RAB4A: variants seen among roughly 807,000 people sequenced by gnomAD.
RAB4A encodes the protein RAB4A, member RAS oncogene family, also known as ras-related protein Rab-4A.
Under a neutral mutation model 34.5 loss-of-function variants are expected in RAB4A, and 20 were observed. The observed-to-expected ratio is 0.58, with a 90% CI of 0.41 to 0.84. RAB4A has a LOEUF of 0.84. RAB4A is among the 40% of genes least tolerant of loss of function. RAB4A has a pLI of 0.00. For synonymous variants in RAB4A, 102 were observed against 100.0 expected, an observed-to-expected ratio of 1.02 and a Z score of -0.12; for missense variants, 228 against 274.5, an observed-to-expected ratio of 0.83 and a Z score of 1.20.
intron 1 of RAB4A, among the ~76,000 whole-genome samples, chr1:229,278,266 C>G (rs1656698540): frequency 6.6e-6 from 1 of 152,206 alleles, no homozygotes; most frequent in Non-Finnish European, 1.5e-5. Context: ...ACACACTTTG[C>G]ACAGCTCCAG....
intron 3 of RAB4A, among the ~76,000 whole-genome samples, chr1:229,292,073 G>T (rs12129272): frequency 6.0e-5 from 7 of 115,956 alleles, no homozygotes; most frequent in African/African-American, 2.3e-4. Flanking sequence ...GTTGTGGGGT[G>T]GGGGGAGGGG....
intron 1 of RAB4A, among the ~76,000 whole-genome samples, chr1:229,276,474 C>T (rs1656652189): frequency 6.6e-6 from 1 of 151,440 alleles, no homozygotes; most frequent in Non-Finnish European, 1.5e-5. Context: ...TATTTCTAGT[C>T]ACATCCTTCA....
At chr1:229,278,600 T>C (rs1373299053) in intron 1 of RAB4A, among the ~76,000 whole-genome samples, 1 of 152,180 alleles carries the variant, frequency 6.6e-6, no homozygotes, top group East Asian at 1.9e-4. Flanking sequence ...ACCCCAGCCT[T>C]CTACTTTGGA....
intron 1 of RAB4A, among the ~76,000 whole-genome samples, chr1:229,281,073 C>A (rs1382936371): frequency 2.0e-5 from 3 of 152,168 alleles, no homozygotes; most frequent in Non-Finnish European, 4.4e-5. Flanking sequence ...TATACCAATA[C>A]AACTGCCATA....
At chr1:229,284,704 CTTAT>C (rs1473635215) in intron 1 of RAB4A, among the ~76,000 whole-genome samples, 2 of 151,154 alleles carry the variant, frequency 1.3e-5, no homozygotes, top group African/African-American at 4.9e-5. Flanking sequence ...TAGATTTATC[CTTAT>C]TTATTCTTCT....
chr1:229,281,635 T>C (rs1174465143), intron 1 of RAB4A, among the ~76,000 whole-genome samples: 3 of 152,104 alleles, frequency 2.0e-5, no homozygotes, highest in East Asian at 1.9e-4. Context: ...ATTGTAATTA[T>C]TGATATTGTA....
intron 3 of RAB4A, among the ~76,000 whole-genome samples, chr1:229,294,468 T>C (rs1657182019): frequency 6.6e-6 from 1 of 152,132 alleles, no homozygotes; most frequent in Non-Finnish European, 1.5e-5. Flanking sequence ...CTTGACAGGC[T>C]TTTGGGGAGT....
At chr1:229,294,835 G>C (rs965773243) in intron 3 of RAB4A, among the ~76,000 whole-genome samples, 1 of 152,164 alleles carries the variant, frequency 6.6e-6, no homozygotes, top group African/African-American at 2.4e-5. Context: ...TCTCAAAAAA[G>C]ACAGTTGGAT....
chr1:229,300,673 C>T (rs1312227690), intron 6 of RAB4A, among the ~76,000 whole-genome samples: 2 of 151,868 alleles, frequency 1.3e-5, no homozygotes, highest in Non-Finnish European at 2.9e-5. Flanking sequence ...GGCTCTGTTG[C>T]AAATGTGCGG....
chr1:229,273,441 TAATA>T (rs1656553256), intron 1 of RAB4A, among the ~76,000 whole-genome samples: 1 of 152,190 alleles, frequency 6.6e-6, no homozygotes, highest in Non-Finnish European at 1.5e-5. Flanking sequence ...TAGTAGAAAC[TAATA>T]AATAGAAAAT....
chr1:229,280,922 T>C (rs547768609), intron 1 of RAB4A, among the ~76,000 whole-genome samples: 15 of 152,346 alleles, frequency 9.8e-5, no homozygotes, highest in Middle Eastern at 3.4e-3. Context: ...TATAATTCTC[T>C]GGAGATACAT....
chr1:229,303,262 C>G (rs534478581), intron 7 of RAB4A, among the ~76,000 whole-genome samples: 1 of 151,640 alleles, frequency 6.6e-6, no homozygotes. Flanking sequence ...ACTCATGAAA[C>G]TTAGGAGAAT....
At chr1:229,301,483 T>G (rs1657384955) in intron 6 of RAB4A, among the ~76,000 whole-genome samples, 2 of 152,268 alleles carry the variant, frequency 1.3e-5, no homozygotes, top group African/African-American at 4.8e-5. Flanking sequence ...CACTGTTACA[T>G]AAATCCTTAC....
chr1:229,278,360 G>C (rs1167001578), intron 1 of RAB4A, among the ~76,000 whole-genome samples: 1 of 152,146 alleles, frequency 6.6e-6, no homozygotes, highest in Non-Finnish European at 1.5e-5. Context: ...TATGGTCTCT[G>C]CTTCCAGCTG....
chr1:229,277,340 G>A (rs1571821336), intron 1 of RAB4A, among the ~76,000 whole-genome samples: 2 of 151,046 alleles, frequency 1.3e-5, no homozygotes, highest in Non-Finnish European at 2.9e-5. Context: ...ACACTGCAGA[G>A]TCCCATGATT....
In RAB4A at chr1:229,297,618, A is replaced by G. The variant is rs561383857; in HGVS notation, c.427A>G (p.Arg143Gly). The G allele has an allele frequency of 3.1e-6, 5 of 1,590,960 alleles. No homozygotes were observed. In the South Asian group the frequency reaches 4.6e-5, roughly 15 times the overall value. Residue 143 changes from arginine (R) to glycine (G), a missense_variant, in exon 5 of 8, where the codon AGA (arginine) becomes GGA (glycine). By Grantham distance (125) the Arg-to-Gly change is moderately radical. Coordinates refer to ENST00000366690, the MANE Select transcript of RAB4A (RefSeq NM_004578.4). ...DREVTFLEAS[R>G]FAQENELMFL... ...TGAAGTTACCTTCTTAGAAGCCTCC[A>G]GATTTGCTCAAGAAAATGGCAAGTG...
chr1:229,300,430 G>A (rs1423878603), intron 6 of RAB4A, among the ~76,000 whole-genome samples: 1 of 152,214 alleles, frequency 6.6e-6, no homozygotes, highest in Non-Finnish European at 1.5e-5. Flanking sequence ...ACAAGGATAT[G>A]GAAGCAGAGA....
chr1:229,281,816 TTATATATATATATA>T (rs61184911), intron 1 of RAB4A, among the ~76,000 whole-genome samples: 3,098 of 140,386 alleles, frequency 0.022, 117 homozygotes, highest in African/African-American at 0.076. Context: ...CTTATCATAG[TTATATATATATATA>T]TATATATATA....
Position 229,299,028 on chromosome 1 carries a change from CT to C in RAB4A, c.501del (p.Phe167LeufsTer33). 1 of 1,610,524 alleles carries C rather than the reference CT, an allele frequency of 6.2e-7. No homozygotes were observed. On this transcript the variant is annotated frameshift_variant, in exon 6 of 8. Coordinates refer to ENST00000366690, the MANE Select transcript of RAB4A (RefSeq NM_004578.4). LOFTEE classifies it high-confidence loss of function. ...CTCACAGGGGAGAATGTAGAAGAGG[CT>C]TTTGTACAGTGTGCAAGAAAAATAC... ...SALTGENVEE[A>X]FVQCARKILN...
Sources: gnomAD v4.1 joint callset for allele counts (sites outside exome capture counted in the v4.1 genomes callset) on GRCh38, gnomAD v4.1.1 for gene constraint, MANE v1.5 for transcripts, NCBI Gene and HGNC (gene_info 2026-07-23, HGNC 2026-07-21) for gene names.